Variants in TCF4 observed in about 807,000 individuals in gnomAD.
The protein encoded by TCF4 is SL3-3 enhancer factor 2.
TCF4 carries 3 observed loss-of-function variants against 82.1 expected under a neutral mutation model. The observed-to-expected ratio is 0.04, with a 90% CI of 0.02 to 0.09. The LOEUF is 0.09. Among genes scored for constraint, TCF4 ranks in the 10% least tolerant of loss-of-function variants. The pLI is 1.00. For synonymous variants in TCF4, 276 were observed against 309.6 expected (o/e 0.89, Z 1.14); for missense variants, 518 against 852.7 (o/e 0.61, Z 4.89).
At chr18:55,322,619 A>G (rs961831446) in intron 8 of TCF4, among the ~76,000 whole-genome samples, 24 of 152,142 alleles carry the variant, frequency 1.6e-4, no homozygotes, top group African/African-American at 5.1e-4. Flanking sequence ...GCGGCCGCCC[A>G]TGAACTTCAC....
rs143896861 is a variant in TCF4 at position 55,269,946 on chromosome 18, G to A, written c.807C>T (p.Ser269=). Residue 269 remains serine (S), a synonymous_variant, in exon 11 of 20, where the codon TCC becomes TCT. Transcript: ENST00000354452. The part of the protein sequence containing the change: ...PHERLSYPSH[S]SADINSSLPP... The stretch of plus-strand genomic sequence containing the variant: ...GAAGACTGGAATTGATGTCTGCTGA[G>A]GAGTGTGATGGATAGCTCTATAGCA... The A allele has an allele frequency of 1.4e-5, 22 of 1,613,140 alleles. No individual in the cohort carries two copies. The African/African-American group carries it at 2.5e-4, about 19-fold the overall frequency.
chr18:55,570,936 T>C (rs936555516), intron 3 of TCF4, among the ~76,000 whole-genome samples: 1 of 151,832 alleles, frequency 6.6e-6, no homozygotes, highest in Non-Finnish European at 1.5e-5. Flanking sequence ...TTTTCTATTT[T>C]ATACCAGTAG....
intron 3 of TCF4, among the ~76,000 whole-genome samples, chr18:55,568,240 G>A (rs1264204444): frequency 1.4e-5 from 2 of 147,856 alleles, no homozygotes; most frequent in African/African-American, 4.9e-5. Flanking sequence ...AATTAATGAA[G>A]TAGAAAACAC....
chr18:55,309,558 T>C (rs1298830793), intron 8 of TCF4, among the ~76,000 whole-genome samples: 3 of 152,220 alleles, frequency 2.0e-5, no homozygotes, highest in African/African-American at 7.2e-5. Flanking sequence ...TAGAACTGGG[T>C]TGAGAAAATG....
intron 8 of TCF4, among the ~76,000 whole-genome samples, chr18:55,315,237 T>C: frequency 6.6e-6 from 1 of 152,080 alleles, no homozygotes; most frequent in East Asian, 1.9e-4. Flanking sequence ...CTTTTTTAGG[T>C]GGGGAGAACG....
At position 55,225,077 on chromosome 18, in the gene TCF4, CCTT is replaced by C. The variant is rs1313512985; in HGVS notation, c.*2955_*2957del. 1 of 152,194 alleles carries C rather than the reference CCTT, an allele frequency of 6.6e-6. No homozygotes were observed. Among genetic ancestry groups the C allele is most frequent in the East Asian group, 1.9e-4 (1 of 5,184 alleles). The allele number at this position is 152,194 out of a possible 1,614,324, so 9.4% of individuals were successfully genotyped here. ...AAAACACACTAAAAAGGCCACATTC[CCTT>C]TTTTTCTTTTTTAATGGGGATACAA... On this transcript the variant is annotated 3_prime_UTR_variant, in exon 20 of 20. Coordinates refer to ENST00000354452, the MANE Select transcript of TCF4 (RefSeq NM_001083962.2).
intron 3 of TCF4, among the ~76,000 whole-genome samples, chr18:55,494,436 C>G (rs1444241338): frequency 6.6e-6 from 1 of 152,024 alleles, no homozygotes; most frequent in Non-Finnish European, 1.5e-5. Context: ...TGATTTAAGT[C>G]TACTTCAAAA....
chr18:55,480,672 G>A (rs191730855), intron 3 of TCF4, among the ~76,000 whole-genome samples: 17 of 152,202 alleles, frequency 1.1e-4, no homozygotes, highest in South Asian at 4.2e-4. Context: ...CCCTGTTCCC[G>A]GTCTCTTTAT....
At chr18:55,575,381 G>T (rs576893937) in intron 3 of TCF4, among the ~76,000 whole-genome samples, 1 of 152,290 alleles carries the variant, frequency 6.6e-6, no homozygotes, top group East Asian at 1.9e-4. Flanking sequence ...ATTGGGTTAT[G>T]TATGAAATTG....
At chr18:55,489,538 G>A (rs1276101034) in intron 3 of TCF4, among the ~76,000 whole-genome samples, 1 of 152,014 alleles carries the variant, frequency 6.6e-6, no homozygotes, top group Non-Finnish European at 1.5e-5. Flanking sequence ...GAACCGAGTG[G>A]TATAAATGAT....
At position 55,388,908 on chromosome 18, in the gene TCF4, G is replaced by C. The variant is rs980128977; in HGVS notation, c.369+14546C>G. The stretch of plus-strand genomic sequence containing the variant: ...GGAGGCCGAGGCGGGTGGATCACGA[G>C]GTCAGGAGATTGAGACCATCCTGGC... On this transcript the variant is annotated intron_variant, in intron 6 of 19. Coordinates refer to ENST00000354452, the MANE Select transcript of TCF4 (RefSeq NM_001083962.2). 3.9e-5 allele frequency among the ~76,000 whole-genome samples: 6 copies of C among 152,054 alleles called. 1 individual carries two copies. The highest frequency in any genetic ancestry group is 1.4e-4 in the African/African-American group (6 of 41,400).
chr18:55,323,675 A>C (rs2076091197), intron 8 of TCF4, among the ~76,000 whole-genome samples: 1 of 152,190 alleles, frequency 6.6e-6, no homozygotes, highest in South Asian at 2.1e-4. Context: ...GTAACCTTTA[A>C]ACCACCCTCA....
intron 3 of TCF4, among the ~76,000 whole-genome samples, chr18:55,571,361 G>T (rs1278072932): frequency 3.3e-5 from 5 of 152,144 alleles, no homozygotes; most frequent in African/African-American, 1.2e-4. Context: ...ATTGTTTAGG[G>T]ATACATATGC....
chr18:55,497,614 T>C (rs897866062), intron 3 of TCF4, among the ~76,000 whole-genome samples: 1 of 152,230 alleles, frequency 6.6e-6, no homozygotes, highest in Non-Finnish European at 1.5e-5. Flanking sequence ...AGCAGTTATA[T>C]TTGTTATAAC....
At chr18:55,370,862 G>T (rs2088923297) in intron 6 of TCF4, among the ~76,000 whole-genome samples, 1 of 152,218 alleles carries the variant, frequency 6.6e-6, no homozygotes, top group Non-Finnish European at 1.5e-5. Flanking sequence ...ACAGGAGAGG[G>T]AGAAGGAAGT....
At chr18:55,360,816 C>T (rs892170126) in intron 6 of TCF4, among the ~76,000 whole-genome samples, 1 of 146,206 alleles carries the variant, frequency 6.8e-6, no homozygotes, top group Non-Finnish European at 1.5e-5. Context: ...CAACCTCCAA[C>T]TCCCAGGTTC....
intron 8 of TCF4, among the ~76,000 whole-genome samples, chr18:55,323,926 C>T (rs1035138556): frequency 1.3e-5 from 2 of 152,182 alleles, no homozygotes; most frequent in Non-Finnish European, 2.9e-5. Flanking sequence ...ACGTTAAATA[C>T]CTTTTCTTAC....
chr18:55,322,475 A>C, intron 8 of TCF4: 2 of 1,004,010 alleles, frequency 2.0e-6, no homozygotes, highest in Non-Finnish European at 2.4e-6. Flanking sequence ...CCTCGCTCAA[A>C]AGGAGAGAGG....
At chr18:55,482,491 G>C (rs17511755) in intron 3 of TCF4, among the ~76,000 whole-genome samples, 5,670 of 152,246 alleles carry the variant, frequency 0.037, 144 homozygotes, top group South Asian at 0.091. Flanking sequence ...GGAAGGAGTA[G>C]AGTATACAGT....
Sources: gnomAD v4.1 joint callset for allele counts (sites outside exome capture counted in the v4.1 genomes callset) on GRCh38, gnomAD v4.1.1 for gene constraint, MANE v1.5 for transcripts, NCBI Gene and HGNC (gene_info 2026-07-23, HGNC 2026-07-21) for gene names.